The following RIT2 variants were observed in gnomAD, a reference collection of about 807,000 sequenced individuals.
RIT2 encodes the protein GTP-binding protein Rit2.
A neutral mutation model predicts 23.7 loss-of-function variants in RIT2; 24 were observed. That is an observed-to-expected ratio of 1.01 (90% CI 0.73 to 1.43). The LOEUF (loss-of-function observed/expected upper bound fraction) is 1.43. RIT2 is among the 40% of genes most tolerant of loss of function. The probability of loss-of-function intolerance (pLI) is 0.00; values close to 1 mark genes in which losing one functional copy is unlikely to be tolerated. For missense variants in RIT2, 236 were observed against 266.9 expected (o/e 0.88, Z 0.81); for synonymous variants, 107 against 91.1 (o/e 1.17, Z -0.99).
At chr18:42,890,855 A>G (rs1328536418) in intron 4 of RIT2, among the ~76,000 whole-genome samples, 2 of 152,138 alleles carry the variant, frequency 1.3e-5, no homozygotes, top group South Asian at 2.1e-4. Context: ...ACAGAGCTAT[A>G]TTAGGGAATA....
chr18:42,916,332 T>C (rs1908908660), intron 4 of RIT2, among the ~76,000 whole-genome samples: 1 of 152,116 alleles, frequency 6.6e-6, no homozygotes. Flanking sequence ...TAATCTTTTG[T>C]ATGTGTCTGT....
chr18:42,762,571 T>C (rs1171646967), intron 4 of RIT2, among the ~76,000 whole-genome samples: 1 of 152,202 alleles, frequency 6.6e-6, no homozygotes, highest in African/African-American at 2.4e-5. Flanking sequence ...AAGAGTAGAA[T>C]TTCAAGTCTT....
chr18:42,931,022 T>G (rs530091069), intron 3 of RIT2, among the ~76,000 whole-genome samples: 1 of 152,284 alleles, frequency 6.6e-6, no homozygotes, highest in East Asian at 1.9e-4. Flanking sequence ...TGAACTGTCC[T>G]CAGATTTTGG....
intron 4 of RIT2, among the ~76,000 whole-genome samples, chr18:42,899,906 T>C (rs1359002045): frequency 1.3e-5 from 2 of 152,162 alleles, no homozygotes; most frequent in African/African-American, 4.8e-5. Context: ...TTCATAAAAG[T>C]ACATACTTTC....
intron 4 of RIT2, among the ~76,000 whole-genome samples, chr18:42,833,761 T>C (rs1320205212): frequency 6.6e-6 from 1 of 152,108 alleles, no homozygotes; most frequent in Admixed American, 6.6e-5. Flanking sequence ...CAATATAATA[T>C]AACAAGTATT....
intron 2 of RIT2, among the ~76,000 whole-genome samples, chr18:42,980,172 CAG>C (rs1221194888): frequency 6.6e-6 from 1 of 152,060 alleles, no homozygotes; most frequent in Non-Finnish European, 1.5e-5. Context: ...TGGGACGACT[CAG>C]GGCAAAGAAG....
At chr18:42,882,204 G>A (rs1333582243) in intron 4 of RIT2, among the ~76,000 whole-genome samples, 22 of 152,194 alleles carry the variant, frequency 1.4e-4, no homozygotes, top group Admixed American at 1.3e-3. Context: ...TTCAGCTACT[G>A]AAGCACTGAA....
chr18:42,805,601 C>T (rs996027074), intron 4 of RIT2, among the ~76,000 whole-genome samples: 9 of 152,266 alleles, frequency 5.9e-5, no homozygotes, highest in Non-Finnish European at 1.3e-4. Flanking sequence ...GATTTTGTAA[C>T]ATCATGTAGT....
At chr18:43,095,507 T>G (rs981097501) in intron 1 of RIT2, among the ~76,000 whole-genome samples, 2 of 151,648 alleles carry the variant, frequency 1.3e-5, no homozygotes, top group African/African-American at 4.8e-5. Flanking sequence ...AACTTAAAGT[T>G]CAATAAAAAA....
At position 43,115,457 on chromosome 18, in the gene RIT2, G is replaced by C; in HGVS notation, c.63C>G (p.Tyr21Ter). ...CCCCTGCTCCCAGCATTACCACCTT[G>C]TACTCTCTGGACCCGCCTGATGCGC... ...PGSASGGSREYKVVMLGAGGV... is the reference protein window; with the variant it reads ...PGSASGGSRE The change falls in exon 1 of 5, where the codon TAC becomes TAG. Residue 21 changes from tyrosine (Y) to a stop codon, truncating the protein, a stop_gained. Coordinates refer to ENST00000326695, the MANE Select transcript of RIT2 (RefSeq NM_002930.4). LOFTEE classifies it high-confidence loss of function. 2.5e-6 allele frequency: 4 copies of C among 1,613,680 alleles called. No individual in the cohort carries two copies. The South Asian group carries it at 3.3e-5, about 13-fold the overall frequency.
chr18:42,921,340 T>C (rs764520839), intron 4 of RIT2, among the ~76,000 whole-genome samples: 2 of 152,176 alleles, frequency 1.3e-5, no homozygotes, highest in African/African-American at 2.4e-5. Flanking sequence ...TGTGACTATC[T>C]TGTTTACAGT....
At chr18:43,049,947 C>T (rs77383589) in intron 1 of RIT2, among the ~76,000 whole-genome samples, 1 of 131,952 alleles carries the variant, frequency 7.6e-6, no homozygotes, top group African/African-American at 2.9e-5. Context: ...CTTCTGAAAG[C>T]AATGGGTAAT....
chr18:43,105,134 G>GTT (rs1304670295), intron 1 of RIT2, among the ~76,000 whole-genome samples: 58 of 143,210 alleles, frequency 4.0e-4, no homozygotes, highest in African/African-American at 1.1e-3. Context: ...GTGTGTGTTT[G>GTT]TGTGTGTGTG....
chr18:42,807,581 C>T (rs887432514), intron 4 of RIT2, among the ~76,000 whole-genome samples: 3 of 152,160 alleles, frequency 2.0e-5, no homozygotes, highest in Non-Finnish European at 2.9e-5. Context: ...CGCACCACTG[C>T]ACTCCAGCCT....
At chr18:42,991,071 C>A (rs1910835841) in intron 2 of RIT2, among the ~76,000 whole-genome samples, 1 of 151,920 alleles carries the variant, frequency 6.6e-6, no homozygotes, top group East Asian at 1.9e-4. Flanking sequence ...AAAGCAGAAC[C>A]TTTTCGGAAA....
intron 3 of RIT2, among the ~76,000 whole-genome samples, chr18:42,951,724 T>C (rs1235369012): frequency 1.3e-5 from 2 of 152,076 alleles, no homozygotes; most frequent in South Asian, 4.1e-4. Flanking sequence ...TTATTTACAA[T>C]AGCCATGACA....
intron 3 of RIT2, among the ~76,000 whole-genome samples, chr18:42,973,062 A>T (rs1335751698): frequency 6.6e-6 from 1 of 151,834 alleles, no homozygotes; most frequent in Non-Finnish European, 1.5e-5. Context: ...TATTTGCCTT[A>T]TATTAATACA....
At chr18:42,780,665 T>C (rs932671887) in intron 4 of RIT2, among the ~76,000 whole-genome samples, 3 of 152,224 alleles carry the variant, frequency 2.0e-5, no homozygotes, top group African/African-American at 7.2e-5. Flanking sequence ...TGGAACTTGG[T>C]ATCTTATTTG....
At chr18:42,863,215 T>A (rs1376156135) in intron 4 of RIT2, among the ~76,000 whole-genome samples, 1 of 152,150 alleles carries the variant, frequency 6.6e-6, no homozygotes, top group Non-Finnish European at 1.5e-5. Context: ...AAATTATCCA[T>A]CCTTACTGAA....
Sources: gnomAD v4.1 joint callset for allele counts (sites outside exome capture counted in the v4.1 genomes callset) on GRCh38, gnomAD v4.1.1 for gene constraint, MANE v1.5 for transcripts, NCBI Gene and HGNC (gene_info 2026-07-23, HGNC 2026-07-21) for gene names.